The following SMG6 variants were observed in gnomAD, a reference collection of about 807,000 sequenced individuals.
SMG6 encodes SMG6 nonsense mediated mRNA decay factor.
SMG6 carries 66 observed loss-of-function variants against 142.2 expected under a neutral mutation model. The ratio of observed to expected loss-of-function variants is 0.46; its 90% confidence interval spans 0.38 to 0.57. The LOEUF is 0.57. Among genes scored for constraint, SMG6 ranks in the 20% least tolerant of loss-of-function variants. The pLI is 0.00. For synonymous variants in SMG6, 779 were observed against 702.4 expected (o/e 1.11, Z -1.72); for missense variants, 1,793 against 1,832.0 (o/e 0.98, Z 0.39).
In SMG6 at chr17:2,061,477, C is replaced by G. The variant is rs1434810773; in HGVS notation, c.*15G>C. 1 of 1,551,462 alleles carries G rather than the reference C, an allele frequency of 6.4e-7. No homozygotes were observed. The highest frequency in any genetic ancestry group is 1.8e-5 in the Admixed American group (1 of 54,056). ...AGGAACGGTTCCACGGGGGGGGGGC[C>G]CCAGTGTGGCTCCCTCAGCCCACCT... On this transcript the variant is annotated 3_prime_UTR_variant, in exon 19 of 19. Transcript: ENST00000263073.
chr17:2,184,132 C>T (rs1306712683), intron 12 of SMG6, among the ~76,000 whole-genome samples: 2 of 151,852 alleles, frequency 1.3e-5, no homozygotes, highest in African/African-American at 2.4e-5. Context: ...GAGGCTGAGG[C>T]GGGTGGACCA....
intron 13 of SMG6, among the ~76,000 whole-genome samples, chr17:2,127,256 G>A (rs567929015): frequency 6.6e-6 from 1 of 152,074 alleles, no homozygotes; most frequent in African/African-American, 2.4e-5. Flanking sequence ...GGGGGAATGA[G>A]GAGTTACTGT....
intron 15 of SMG6, among the ~76,000 whole-genome samples, chr17:2,077,507 A>G (rs2068293452): frequency 6.6e-6 from 1 of 152,218 alleles, no homozygotes; most frequent in Non-Finnish European, 1.5e-5. Context: ...AGCATGAACA[A>G]AAACCCGAGT....
intron 8 of SMG6, among the ~76,000 whole-genome samples, chr17:2,263,476 G>A (rs1567728823): frequency 6.6e-6 from 1 of 152,282 alleles, no homozygotes; most frequent in East Asian, 1.9e-4. Context: ...GGTGCCTAGT[G>A]ATTTCTATAA....
rs576079172 is a variant in SMG6 at position 2,100,785 on chromosome 17, G to T, written c.3358-14884C>A. ...TGGTCTTGAACTCCCAGGCTCAAGA[G>T]ATCCCCCTGCTTCAGCTTCCCAAAG... On this transcript the variant is annotated intron_variant, in intron 13 of 18. Coordinates refer to ENST00000263073, the MANE Select transcript of SMG6 (RefSeq NM_017575.5). Among the ~76,000 whole-genome samples, 5 of 152,048 alleles carry T rather than the reference G, an allele frequency of 3.3e-5. No individual in the cohort carries two copies. The South Asian group carries it at 1.0e-3, about 32-fold the overall frequency.
chr17:2,145,395 G>A (rs2070633748), intron 13 of SMG6, among the ~76,000 whole-genome samples: 1 of 151,838 alleles, frequency 6.6e-6, no homozygotes, highest in Admixed American at 6.6e-5. Flanking sequence ...GGGATTACAG[G>A]CGTGAGCCAC....
At chr17:2,234,209 C>T (rs964796818) in intron 10 of SMG6, among the ~76,000 whole-genome samples, 1 of 152,040 alleles carries the variant, frequency 6.6e-6, no homozygotes, top group Non-Finnish European at 1.5e-5. Flanking sequence ...CTGTACTCAC[C>T]ATCTTACCTT....
chr17:2,146,544 T>C (rs899738883), intron 13 of SMG6, among the ~76,000 whole-genome samples: 1 of 152,180 alleles, frequency 6.6e-6, no homozygotes, highest in African/African-American at 2.4e-5. Context: ...CTCAAGATGA[T>C]AATGTCTTTT....
chr17:2,148,695 C>T (rs2070740419), intron 13 of SMG6, among the ~76,000 whole-genome samples: 1 of 152,006 alleles, frequency 6.6e-6, no homozygotes, highest in Non-Finnish European at 1.5e-5. Flanking sequence ...TCCGTCTCTA[C>T]TAAAAATACA....
intron 12 of SMG6, among the ~76,000 whole-genome samples, chr17:2,173,399 TCAATCAAC>T (rs1420256295): frequency 4.6e-5 from 7 of 152,278 alleles, no homozygotes; most frequent in African/African-American, 1.7e-4. Flanking sequence ...AATCAATCAA[TCAATCAAC>T]CAATCACACA....
In SMG6 at chr17:2,298,893, GACC is replaced by G. The variant is rs1168789708; in HGVS notation, c.1847+10_1847+12del. Reference sequence around the variant, plus strand: ...TCCCCATTTCCCTCCAGCCAGAATAGACCACATCATACCTGAGTTGCGCCATCT... The same window carrying G: ...TCCCCATTTCCCTCCAGCCAGAATAGACATCATACCTGAGTTGCGCCATCT... On this transcript the variant is annotated intron_variant, in intron 2 of 18. Transcript: ENST00000263073. The G allele has an allele frequency of 1.2e-6, 2 of 1,606,002 alleles. No individual in the cohort carries two copies. The highest frequency in any genetic ancestry group is 1.7e-6 in the Non-Finnish European group (2 of 1,175,562).
chr17:2,210,366 T>C (rs1245878583), intron 10 of SMG6, among the ~76,000 whole-genome samples: 1 of 151,828 alleles, frequency 6.6e-6, no homozygotes, highest in Non-Finnish European at 1.5e-5. Flanking sequence ...AGCGATCTTC[T>C]TTCCTCAGCC....
chr17:2,102,675 A>G (rs9905316), intron 13 of SMG6, among the ~76,000 whole-genome samples: 15,413 of 151,528 alleles, frequency 0.1, 840 homozygotes, highest in African/African-American at 0.13. Flanking sequence ...CTGACCTCTT[A>G]AAGCAATTTT....
intron 13 of SMG6, among the ~76,000 whole-genome samples, chr17:2,163,608 G>T (rs1437246476): frequency 6.6e-6 from 1 of 151,548 alleles, no homozygotes; most frequent in Non-Finnish European, 1.5e-5. Flanking sequence ...TGCTTTTTGG[G>T]GATTTTCTAA....
intron 13 of SMG6, chr17:2,127,915 A>G (rs959332311): frequency 3.5e-6 from 2 of 567,468 alleles, no homozygotes; most frequent in South Asian, 1.4e-5. Flanking sequence ...GTTGGCCTCC[A>G]GTACCTGGAC....
At chr17:2,064,885 CCTGGCATT>C (rs1357025455) in intron 18 of SMG6, among the ~76,000 whole-genome samples, 180 bp downstream of exon 18, 61 of 151,776 alleles carry the variant, frequency 4.0e-4, no homozygotes, top group Non-Finnish European at 7.2e-4. Context: ...CCAGGGTGCA[CCTGGCATT>C]CCCTGGGGCT....
chr17:2,244,817 T>G (rs1412035864), intron 8 of SMG6, 98 bp from the exon 9 acceptor site: 1 of 1,015,294 alleles, frequency 9.8e-7, no homozygotes, highest in East Asian at 2.5e-5. Context: ...GGCCAGGGTC[T>G]AAGGGGTGGG....
At chr17:2,161,341 T>C (rs903595200) in intron 13 of SMG6, among the ~76,000 whole-genome samples, 3 of 151,956 alleles carry the variant, frequency 2.0e-5, no homozygotes, top group African/African-American at 2.4e-5. Context: ...CGACCTCAGG[T>C]TGATCAGCCT....
chr17:2,182,781 C>T (rs1225708702), intron 12 of SMG6, among the ~76,000 whole-genome samples: 1 of 151,862 alleles, frequency 6.6e-6, no homozygotes, highest in Non-Finnish European at 1.5e-5. Flanking sequence ...CTGAAACACA[C>T]ATAAATGCAT....
Sources: allele counts gnomAD v4.1 joint callset (sites outside exome capture counted in the v4.1 genomes callset), GRCh38; gene constraint gnomAD v4.1.1; transcripts MANE v1.5; gene names NCBI Gene and HGNC (gene_info 2026-07-23, HGNC 2026-07-21).